The following SHISA9 variants were observed in gnomAD, a reference collection of about 807,000 sequenced individuals.
The protein encoded by SHISA9 is protein shisa-9.
A neutral mutation model predicts 38.0 loss-of-function variants in SHISA9; 13 were observed. The ratio of observed to expected loss-of-function variants is 0.34; its 90% CI spans 0.22 to 0.54. The LOEUF is 0.54. Among genes scored for constraint, SHISA9 ranks in the 20% least tolerant of loss-of-function variants. SHISA9 has a pLI of 0.91. For synonymous variants in SHISA9, 275 were observed against 242.0 expected (o/e 1.14, Z -1.27); for missense variants, 538 against 575.8 (o/e 0.93, Z 0.67).
chr16:13,093,564 G>A (rs528350245), intron 2 of SHISA9, among the ~76,000 whole-genome samples: 2 of 152,236 alleles, frequency 1.3e-5, no homozygotes, highest in South Asian at 2.1e-4. Context: ...GGTGGGGGGA[G>A]TGGGGCTGAT....
the SHISA9 span, among the ~76,000 whole-genome samples, chr16:13,444,959 T>G: frequency 7.1e-6 from 1 of 140,298 alleles, no homozygotes; most frequent in Non-Finnish European, 1.5e-5. Context: ...GCTGGGACCA[T>G]GGGCACACAC....
chr16:13,262,062 G>A, the SHISA9 span, among the ~76,000 whole-genome samples: 1 of 152,170 alleles, frequency 6.6e-6, no homozygotes, highest in Non-Finnish European at 1.5e-5. Flanking sequence ...GTCAGACTCA[G>A]AAAATTGAGA....
the SHISA9 span, among the ~76,000 whole-genome samples, chr16:13,374,565 T>C: frequency 0.01 from 1,573 of 152,328 alleles, 15 homozygotes; most frequent in Middle Eastern, 0.041. Flanking sequence ...CAGTCTATCA[T>C]TGATGGACAT....
chr16:13,200,613 A>ATCATATGTGTACATACT (rs1400714591), intron 2 of SHISA9, among the ~76,000 whole-genome samples: 6 of 138,376 alleles, frequency 4.3e-5, no homozygotes, highest in African/African-American at 8.4e-5. Flanking sequence ...CTTGGGCTCC[A>ATCATATGTGTACATACT]AGGTGTGGTG....
chr16:13,056,904 A>G (rs2073317334), intron 2 of SHISA9, among the ~76,000 whole-genome samples: 1 of 152,246 alleles, frequency 6.6e-6, no homozygotes, highest in Non-Finnish European at 1.5e-5. Context: ...AGTGAGAGAA[A>G]GTAGACACAG....
chr16:13,083,931 G>A (rs1228603351), intron 2 of SHISA9, among the ~76,000 whole-genome samples: 3 of 152,122 alleles, frequency 2.0e-5, no homozygotes, highest in Non-Finnish European at 2.9e-5. Flanking sequence ...TTTCAAAGCG[G>A]GAGGGAGGCA....
the SHISA9 span, among the ~76,000 whole-genome samples, chr16:13,497,517 C>G: frequency 6.6e-6 from 1 of 151,878 alleles, no homozygotes; most frequent in East Asian, 1.9e-4. Context: ...AACCCCATCT[C>G]TACAACAAAT....
At chr16:12,983,609 C>T (rs2072269249) in intron 2 of SHISA9, among the ~76,000 whole-genome samples, 1 of 152,196 alleles carries the variant, frequency 6.6e-6, no homozygotes, top group Non-Finnish European at 1.5e-5. Context: ...CTGCCTCAAC[C>T]TCCCAAGTAG....
At chr16:13,397,415 G>C in the SHISA9 span, among the ~76,000 whole-genome samples, 3 of 151,742 alleles carry the variant, frequency 2.0e-5, no homozygotes, top group African/African-American at 7.3e-5. Flanking sequence ...CAGTGTTTTT[G>C]GTTTGTTTGT....
At chr16:13,217,195 G>A (rs1329805970) in intron 4 of SHISA9, among the ~76,000 whole-genome samples, 2 of 151,846 alleles carry the variant, frequency 1.3e-5, no homozygotes, top group African/African-American at 4.8e-5. Flanking sequence ...GGAGAATGGC[G>A]CGAACCCGGG....
intron 2 of SHISA9, among the ~76,000 whole-genome samples, chr16:13,053,630 CT>C (rs1439763461): frequency 6.6e-6 from 1 of 151,514 alleles, no homozygotes; most frequent in African/African-American, 2.4e-5. Flanking sequence ...CTGTTGCTTT[CT>C]TCAGTTTTCA....
At chr16:12,979,438 T>C (rs1425821108) in intron 2 of SHISA9, among the ~76,000 whole-genome samples, 1 of 152,148 alleles carries the variant, frequency 6.6e-6, no homozygotes, top group Non-Finnish European at 1.5e-5. Flanking sequence ...TCATTATTTT[T>C]AATAATGTGA....
intron 2 of SHISA9, among the ~76,000 whole-genome samples, chr16:13,021,125 G>A (rs1220575890): frequency 6.6e-6 from 1 of 152,174 alleles, no homozygotes; most frequent in Non-Finnish European, 1.5e-5. Context: ...GTCTCCTTGA[G>A]TGCTAGACCT....
At position 13,195,605 on chromosome 16, in the gene SHISA9, G is replaced by C. The variant is rs924069240; in HGVS notation, c.692-7789G>C. 2.0e-5 allele frequency among the ~76,000 whole-genome samples: 3 copies of C among 152,120 alleles called. No homozygotes were observed. The East Asian group carries it at 5.8e-4, about 29-fold the overall frequency. ...CAAAGAGTAAAATGTGAAAAAAGGGGAAAATAGAATAATTTTATAGAGGAG... is the reference window on the plus strand; with the variant it reads ...CAAAGAGTAAAATGTGAAAAAAGGGCAAAATAGAATAATTTTATAGAGGAG... On this transcript the variant is annotated intron_variant, in intron 2 of 4. Coordinates refer to ENST00000558583, the MANE Select transcript of SHISA9 (RefSeq NM_001145204.3).
the SHISA9 span, among the ~76,000 whole-genome samples, chr16:13,247,491 C>T: frequency 6.6e-6 from 1 of 152,126 alleles, no homozygotes. Flanking sequence ...GAATCTAAAC[C>T]TGGAGTTTTC....
At chr16:13,406,103 C>A in the SHISA9 span, among the ~76,000 whole-genome samples, 2 of 152,154 alleles carry the variant, frequency 1.3e-5, no homozygotes, top group Non-Finnish European at 2.9e-5. Flanking sequence ...CATCCAACAG[C>A]GTCTTTTTAA....
chr16:13,390,411 C>T, the SHISA9 span, among the ~76,000 whole-genome samples: 7 of 152,158 alleles, frequency 4.6e-5, no homozygotes, highest in African/African-American at 1.4e-4. Flanking sequence ...CCAGTTCTGT[C>T]TCACTGGTTC....
intron 2 of SHISA9, among the ~76,000 whole-genome samples, chr16:13,112,401 AG>A (rs141219083): frequency 9.2e-5 from 14 of 152,112 alleles, no homozygotes; most frequent in African/African-American, 2.9e-4. Context: ...AGGAAAAAAA[AG>A]GTTTTGATTT....
chr16:13,441,690 A>G, the SHISA9 span, among the ~76,000 whole-genome samples: 2 of 152,092 alleles, frequency 1.3e-5, no homozygotes, highest in African/African-American at 2.4e-5. Flanking sequence ...CCCTGTATGT[A>G]AGTCTTCAAT....
Sources: allele counts gnomAD v4.1 joint callset (sites outside exome capture counted in the v4.1 genomes callset), GRCh38; gene constraint gnomAD v4.1.1; transcripts MANE v1.5; gene names NCBI Gene and HGNC (gene_info 2026-07-23, HGNC 2026-07-21).